ACOT12: variants seen among roughly 807,000 people sequenced by gnomAD.
The protein encoded by ACOT12 is acetyl-coenzyme A thioesterase.
ACOT12 carries 51 observed loss-of-function variants against 67.7 expected under a neutral mutation model. The ratio of observed to expected loss-of-function variants is 0.75; its 90% CI spans 0.60 to 0.95. ACOT12 has a LOEUF of 0.95. Among genes scored for constraint, ACOT12 ranks in the 40% least tolerant of loss-of-function variants. ACOT12 has a pLI of 0.00. For missense variants in ACOT12, 734 were observed against 708.1 expected, an observed-to-expected ratio of 1.04 and a Z score of -0.41; for synonymous variants, 251 against 244.6, an observed-to-expected ratio of 1.03 and a Z score of -0.24.
chr5:81,344,215 C>G lies in ACOT12; in HGVS notation c.925G>C (p.Asp309His). The G allele has an allele frequency of 6.2e-7, 1 of 1,612,260 alleles. No homozygotes were observed. Among genetic ancestry groups the G allele is most frequent in the East Asian group, 2.2e-5 (1 of 44,864 alleles). Residue 309 changes from aspartate (D) to histidine (H), a missense_variant and splice_region_variant, in exon 9 of 15, where the codon GAT becomes CAT. Asp to His is a moderately conservative substitution (Grantham distance 81). Coordinates refer to ENST00000307624, the MANE Select transcript of ACOT12 (RefSeq NM_130767.3). Reference sequence around the variant, plus strand: ...GCTCCCCGATAGCGTCTGAAATCATCCTTTAATCAAAAACAAAGTAAAATC... The same window carrying G: ...GCTCCCCGATAGCGTCTGAAATCATGCTTTAATCAAAAACAAAGTAAAATC... ...TFPRIQPISKDDFRRYRGAIA... is the reference protein window; with the variant it reads ...TFPRIQPISKHDFRRYRGAIA...
At chr5:81,382,813 AAAG>A (rs751036250) in intron 2 of ACOT12, among the ~76,000 whole-genome samples, 9 of 151,948 alleles carry the variant, frequency 5.9e-5, no homozygotes, top group Non-Finnish European at 1.0e-4. Context: ...AAAAAAAAAA[AAAG>A]AAGAAGAATA....
chr5:81,375,327 A>G (rs530566029), intron 2 of ACOT12, among the ~76,000 whole-genome samples: 46 of 152,282 alleles, frequency 3.0e-4, no homozygotes, highest in African/African-American at 1.1e-3. Flanking sequence ...GCCTTACGAG[A>G]GCTCCTGAAG....
intron 2 of ACOT12, among the ~76,000 whole-genome samples, chr5:81,381,903 G>T (rs567206987): frequency 6.6e-6 from 1 of 152,296 alleles, no homozygotes; most frequent in South Asian, 2.1e-4. Context: ...TCAAAATACA[G>T]TGACTTGGCT....
intron 3 of ACOT12, among the ~76,000 whole-genome samples, chr5:81,364,999 T>A (rs573401080): frequency 1.3e-5 from 2 of 152,124 alleles, no homozygotes; most frequent in Admixed American, 1.3e-4. Context: ...TTTTCAGGAG[T>A]AATAAGAAGG....
At chr5:81,335,960 C>T in intron 11 of ACOT12, 59 bp from the exon 12 acceptor site, 3 of 1,532,202 alleles carry the variant, frequency 2.0e-6, no homozygotes, top group Non-Finnish European at 2.7e-6. Context: ...ACTTTAGAAA[C>T]CATATGCATA....
At chr5:81,393,888 G>T (rs1045231486) in intron 1 of ACOT12, 100 bp downstream of exon 1, 145 of 1,216,592 alleles carry the variant, frequency 1.2e-4, no homozygotes, top group Non-Finnish European at 1.4e-4. Context: ...TCAGCTCTCC[G>T]CAAGTACCTT....
chr5:81,348,846 G>A (rs929071474), intron 5 of ACOT12, among the ~76,000 whole-genome samples: 1 of 152,234 alleles, frequency 6.6e-6, no homozygotes, highest in African/African-American at 2.4e-5. Context: ...ATACAGGCGT[G>A]AGCCACCGCG....
intron 12 of ACOT12, among the ~76,000 whole-genome samples, chr5:81,333,551 C>T (rs551692105): frequency 1.5e-3 from 233 of 152,280 alleles, no homozygotes; most frequent in Non-Finnish European, 3.0e-3. Flanking sequence ...CATTCACTCC[C>T]CAATTTGTTC....
At chr5:81,342,592 T>C (rs1759232057) in intron 11 of ACOT12, 80 bp downstream of exon 11, 1 of 1,386,838 alleles carries the variant, frequency 7.2e-7, no homozygotes, top group Non-Finnish European at 1.0e-6. Context: ...AAAGCCTCAG[T>C]AGAAGCAGTA....
chr5:81,364,632 T>G (rs1213853723), intron 3 of ACOT12, among the ~76,000 whole-genome samples: 2 of 152,158 alleles, frequency 1.3e-5, no homozygotes, highest in Non-Finnish European at 2.9e-5. Flanking sequence ...TTTCACCATG[T>G]TGGCCAGGAT....
At chr5:81,341,128 T>C (rs1759179981) in intron 11 of ACOT12, among the ~76,000 whole-genome samples, 2 of 152,202 alleles carry the variant, frequency 1.3e-5, no homozygotes, top group Non-Finnish European at 2.9e-5. Context: ...CCAGCAATGA[T>C]GAAAGAAGTA....
At chr5:81,375,468 C>G (rs112302699) in intron 2 of ACOT12, among the ~76,000 whole-genome samples, 2,473 of 152,218 alleles carry the variant, frequency 0.016, 51 homozygotes, top group African/African-American at 0.054. Context: ...ATCATAATGA[C>G]AGGATCAAAT....
At chr5:81,318,672 C>T in the ACOT12 span, among the ~76,000 whole-genome samples, 1 of 152,294 alleles carries the variant, frequency 6.6e-6, no homozygotes, top group Admixed American at 6.5e-5. Flanking sequence ...GTTTCCTGAT[C>T]CATGAACATA....
At chr5:81,337,421 C>T (rs1759039975) in intron 11 of ACOT12, among the ~76,000 whole-genome samples, 2 of 152,168 alleles carry the variant, frequency 1.3e-5, no homozygotes, top group Admixed American at 1.3e-4. Flanking sequence ...TAGCCCCAAC[C>T]TCCTGTACCT....
chr5:81,323,083 G>GAAAAAAAAAAAA, the ACOT12 span, among the ~76,000 whole-genome samples: 5 of 104,074 alleles, frequency 4.8e-5, no homozygotes, highest in Non-Finnish European at 4.3e-5. Context: ...ATAGCAAAAA[G>GAAAAAAAAAAAA]AAAAAAAAAA....
chr5:81,354,331 A>G (rs1463052489), intron 5 of ACOT12, among the ~76,000 whole-genome samples: 1 of 152,246 alleles, frequency 6.6e-6, no homozygotes, highest in African/African-American at 2.4e-5. Flanking sequence ...AATGACTGTC[A>G]TGTGTGCCTG....
the ACOT12 span, among the ~76,000 whole-genome samples, chr5:81,321,035 C>T: frequency 5.9e-5 from 9 of 152,100 alleles, no homozygotes; most frequent in Non-Finnish European, 1.0e-4. Flanking sequence ...GTGGGTGGAT[C>T]GCTTGAATCC....
At chr5:81,369,552 C>T (rs73126079) in intron 3 of ACOT12, among the ~76,000 whole-genome samples, 7,719 of 152,116 alleles carry the variant, frequency 0.051, 323 homozygotes, top group African/African-American at 0.11. Context: ...TTAGAGGCTG[C>T]CTGGTCATGA....
intron 2 of ACOT12, among the ~76,000 whole-genome samples, chr5:81,380,874 C>A (rs529156245): frequency 1.3e-5 from 2 of 152,036 alleles, no homozygotes; most frequent in South Asian, 4.2e-4. Context: ...ATAGAGTGTA[C>A]CCACACTAAT....
Sources: gnomAD v4.1 joint callset for allele counts (sites outside exome capture counted in the v4.1 genomes callset) on GRCh38, gnomAD v4.1.1 for gene constraint, MANE v1.5 for transcripts, NCBI Gene and HGNC (gene_info 2026-07-23, HGNC 2026-07-21) for gene names.